GLYR1: variants seen among roughly 807,000 people sequenced by gnomAD.
The protein encoded by GLYR1 is cytokine-like nuclear factor N-PAC.
GLYR1 carries 21 observed loss-of-function variants against 72.7 expected under a neutral mutation model. That is an observed-to-expected ratio of 0.29 (90% CI 0.20 to 0.42). The LOEUF (loss-of-function observed/expected upper bound fraction) is 0.42. Among genes scored for constraint, GLYR1 ranks in the 10% least tolerant of loss-of-function variants. The pLI is 1.00. For synonymous variants in GLYR1, 392 were observed against 270.2 expected (o/e 1.45, Z -4.42); for missense variants, 594 against 712.1 (o/e 0.83, Z 1.89).
At chr16:4,844,285 G>C (rs985706034) in intron 3 of GLYR1, among the ~76,000 whole-genome samples, 1 of 152,112 alleles carries the variant, frequency 6.6e-6, no homozygotes, top group African/African-American at 2.4e-5. Context: ...AATGGTCCTG[G>C]TTTCCCCAAC....
rs144387144 is a variant in GLYR1 at position 4,827,591 on chromosome 16, AC to A, written c.538-3685del. Among the ~76,000 whole-genome samples, 1,139 of 136,530 alleles carry A rather than the reference AC, an allele frequency of 8.3e-3. 10 individuals are homozygous for A. Among genetic ancestry groups the A allele is most frequent in the African/African-American group, 0.026 (999 of 38,234 alleles). 89.6% of individuals were successfully genotyped at this position (136,530 alleles called of 152,430 possible). A position where few individuals can be genotyped will look rare whatever the true frequency, so the allele number is the denominator to read the frequency against. On this transcript the variant is annotated intron_variant, in intron 5 of 15. Coordinates refer to ENST00000321919, the MANE Select transcript of GLYR1 (RefSeq NM_032569.4). ...CTTTGTAGGTGTTGCACTTAAAAAA[AC>A]AAACAAACAAACAAACAAAAAAAAC...
At chr16:4,809,855 C>T (rs1157305686) in intron 15 of GLYR1, among the ~76,000 whole-genome samples, 2 of 151,550 alleles carry the variant, frequency 1.3e-5, no homozygotes, top group Non-Finnish European at 2.9e-5. Context: ...ACTTGGGAGG[C>T]AGAGGTTGCG....
chr16:4,830,845 T>G (rs1397925270), intron 5 of GLYR1, among the ~76,000 whole-genome samples: 1 of 152,196 alleles, frequency 6.6e-6, no homozygotes, highest in African/African-American at 2.4e-5. Flanking sequence ...AGCACGGCAT[T>G]CTTGTGGCAA....
rs369808296 is a variant in GLYR1 at position 4,823,849 on chromosome 16, G to A, written c.596C>T (p.Ala199Val). 34 of 1,613,626 alleles carry A rather than the reference G, an allele frequency of 2.1e-5. No homozygotes were observed. Among genetic ancestry groups the A allele is most frequent in the Admixed American group, 1.0e-4 (6 of 59,966 alleles). The change falls in exon 6 of 16, where the codon GCG (alanine) becomes GTG (valine). Residue 199 changes from alanine to valine, a missense_variant. Transcript: ENST00000321919. ...GCTTGCGGTTGGCTGCCATTTAAAC[G>A]CGGCCATCGGTCCGGCCATCATCCC... ...VKGMMAGPMA[A>V]FKWQPTASEP...
chr16:4,831,847 AG>A (rs2084821390), intron 5 of GLYR1, 131 bp downstream of exon 5: 4 of 1,309,912 alleles, frequency 3.1e-6, no homozygotes, highest in East Asian at 2.4e-5. Context: ...AGGATTCTTG[AG>A]CACAGAATTC....
At chr16:4,841,052 A>G (rs2085509688) in intron 3 of GLYR1, among the ~76,000 whole-genome samples, 1 of 152,244 alleles carries the variant, frequency 6.6e-6, no homozygotes, top group African/African-American at 2.4e-5. Context: ...GTAGAACTCT[A>G]GCAAAGGAGT....
intron 10 of GLYR1, among the ~76,000 whole-genome samples, chr16:4,815,182 T>C (rs1318571756): frequency 6.6e-6 from 1 of 151,996 alleles, no homozygotes; most frequent in Non-Finnish European, 1.5e-5. Flanking sequence ...CATGGCTCAC[T>C]GCAGCCTCAA....
chr16:4,805,970 G>A (rs1379882046), intron 15 of GLYR1, among the ~76,000 whole-genome samples: 1 of 152,110 alleles, frequency 6.6e-6, no homozygotes, highest in East Asian at 1.9e-4. Context: ...GACAGAGCGA[G>A]ACTCTGTCTC....
At chr16:4,836,872 C>T (rs990666255) in intron 3 of GLYR1, among the ~76,000 whole-genome samples, 2 of 151,854 alleles carry the variant, frequency 1.3e-5, no homozygotes, top group African/African-American at 2.4e-5. Context: ...AGAACACAGG[C>T]TATGCCGACT....
chr16:4,819,072 T>C (rs1455250521), intron 9 of GLYR1, among the ~76,000 whole-genome samples: 1 of 152,254 alleles, frequency 6.6e-6, no homozygotes, highest in Non-Finnish European at 1.5e-5. Flanking sequence ...TTGATTCTTG[T>C]ACTTCTTCAC....
At position 4,832,057 on chromosome 16, in the gene GLYR1, C is replaced by T. The variant is rs748643267; in HGVS notation, c.459G>A (p.Glu153=). The T allele has an allele frequency of 1.2e-6, 2 of 1,614,084 alleles. No homozygotes were observed. The highest frequency in any genetic ancestry group is 2.7e-5 in the African/African-American group (2 of 74,934). Residue 153 remains glutamate, a synonymous_variant, in exon 5 of 16, where the codon GAG becomes GAA. Coordinates refer to ENST00000321919, the MANE Select transcript of GLYR1 (RefSeq NM_032569.4). ...TTTTCAGAGGGGATTTGGAGCCTCT[C>T]TCTGAAGAGCCTGAAGACACCCTCT... ...GKKRVSSGSS[E]RGSKSPLKRA... is the part of the protein sequence containing the mutation.
chr16:4,838,819 C>T (rs1193639986), intron 3 of GLYR1, among the ~76,000 whole-genome samples: 2 of 152,098 alleles, frequency 1.3e-5, no homozygotes, highest in Non-Finnish European at 2.9e-5. Flanking sequence ...GATCTCCTGA[C>T]CTCGTGATCC....
chr16:4,819,393 A>T (rs1420363010), intron 9 of GLYR1, among the ~76,000 whole-genome samples: 1 of 151,938 alleles, frequency 6.6e-6, no homozygotes, highest in Non-Finnish European at 1.5e-5. Flanking sequence ...CCGCAGCCTC[A>T]AACTCCTGGG....
At chr16:4,815,146 C>T (rs781003505) in intron 10 of GLYR1, among the ~76,000 whole-genome samples, 11 of 152,000 alleles carry the variant, frequency 7.2e-5, no homozygotes, top group Admixed American at 1.3e-4. Context: ...TGCTCTGTCA[C>T]CCAGGCTGGA....
Position 4,823,904 on chromosome 16 carries a change from G to C in GLYR1, c.541C>G (p.Leu181Val), listed in dbSNP as rs201319871. The C allele has an allele frequency of 6.2e-7, 1 of 1,613,630 alleles. No individual in the cohort carries two copies. The highest frequency in any genetic ancestry group is 8.5e-7 in the Non-Finnish European group (1 of 1,179,614). ...ACGGTACTAGACTCCGGGATGGTGAGATCCTATAGAGGGAGGGGCAGGGCA... is the reference window on the plus strand; with the variant it reads ...ACGGTACTAGACTCCGGGATGGTGACATCCTATAGAGGGAGGGGCAGGGCA... ...RGRPPKDEKD[L>V]TIPESSTVKG... Residue 181 changes from leucine (L) to valine (V), a missense_variant, in exon 6 of 16, where the codon CTC (leucine) becomes GTC (valine). Physicochemically the swap from Leu to Val is conservative, Grantham distance 32. Around this residue, in one of 5 missense-constraint regions of GLYR1, gnomAD observed 252 missense variants for 211.3 expected, o/e 1.19. Coordinates refer to ENST00000321919, the MANE Select transcript of GLYR1 (RefSeq NM_032569.4).
chr16:4,813,289 G>GA (rs2083434772), intron 12 of GLYR1, among the ~76,000 whole-genome samples: 1 of 152,144 alleles, frequency 6.6e-6, no homozygotes. Context: ...CCAACAACTA[G>GA]AACCAGATGT....
chr16:4,807,346 C>T (rs187139818), intron 15 of GLYR1, among the ~76,000 whole-genome samples: 1 of 152,030 alleles, frequency 6.6e-6, no homozygotes, highest in Non-Finnish European at 1.5e-5. Flanking sequence ...CTCCTGACCT[C>T]AGGTGATCTG....
chr16:4,809,868 G>T lies in GLYR1; in HGVS notation c.1587+1302C>A, dbSNP rs145349261. Among the ~76,000 whole-genome samples the T allele has an allele frequency of 1.7e-3, 258 of 151,960 alleles. 1 individual carries two copies. The East Asian group carries it at 0.04, about 24-fold the overall frequency. On this transcript the variant is annotated intron_variant, in intron 15 of 15. Transcript: ENST00000321919. ...GAACTTGGGAGGCAGAGGTTGCGGT[G>T]AGCCGAGATCGCGACACTGCACTCC...
chr16:4,811,921 C>A, intron 13 of GLYR1, 119 bp from the exon 14 acceptor site: 2 of 1,416,264 alleles, frequency 1.4e-6, no homozygotes, highest in East Asian at 2.4e-5. Flanking sequence ...TCACCTGCCC[C>A]CGACAGACTG....
Sources: allele counts gnomAD v4.1 joint callset (sites outside exome capture counted in the v4.1 genomes callset), GRCh38; gene constraint gnomAD v4.1.1; regional missense constraint gnomAD v4.1.1; transcripts MANE v1.5; gene names NCBI Gene and HGNC (gene_info 2026-07-23, HGNC 2026-07-21).